DSCAM: variants seen among roughly 807,000 people sequenced by gnomAD.
DSCAM encodes the protein cell adhesion molecule DSCAM.
Under a neutral mutation model 217.7 loss-of-function variants are expected in DSCAM, and 47 were observed. That is an observed-to-expected ratio of 0.22 (90% confidence interval 0.17 to 0.28). DSCAM has a LOEUF of 0.28. DSCAM is among the 10% of genes least tolerant of loss of function. DSCAM has a pLI of 1.00. For synonymous variants in DSCAM, 1,056 were observed against 1,015.3 expected (o/e 1.04, Z -0.76); for missense variants, 2,080 against 2,618.3 (o/e 0.79, Z 4.49).
chr21:40,790,416 TTC>T (rs1194368094), intron 1 of DSCAM, among the ~76,000 whole-genome samples: 3 of 152,148 alleles, frequency 2.0e-5, no homozygotes, highest in African/African-American at 7.2e-5. Context: ...TTTCTCAAGC[TTC>T]TCGTAGTTAG....
At chr21:40,339,872 T>A (rs907557621) in intron 6 of DSCAM, among the ~76,000 whole-genome samples, 1 of 43,472 alleles carries the variant, frequency 2.3e-5, no homozygotes, top group African/African-American at 5.5e-5. Context: ...AACCTAATAC[T>A]TCCTCAAGTT....
At chr21:40,107,597 G>C (rs139239738) in intron 20 of DSCAM, among the ~76,000 whole-genome samples, 2,799 of 152,108 alleles carry the variant, frequency 0.018, 82 homozygotes, top group African/African-American at 0.057. Flanking sequence ...TATTGTCAGT[G>C]GGGTGTTAAA....
In DSCAM at chr21:40,559,949, A is replaced by T. The variant is rs1601744836; in HGVS notation, c.508+132861T>A. On this transcript the variant is annotated intron_variant, in intron 3 of 32. Transcript: ENST00000400454. The stretch of plus-strand genomic sequence containing the variant: ...CTGGGGCTACAGGCGCCCAACTACC[A>T]TGCCCGGCTAATTTTTTGTATTTTT... 2.0e-5 allele frequency among the ~76,000 whole-genome samples: 3 copies of T among 151,704 alleles called. No homozygotes were observed. In the South Asian group the frequency reaches 6.3e-4, roughly 32 times the overall value.
In DSCAM at chr21:40,306,165, G is replaced by A. The variant is rs866389297; in HGVS notation, c.2062+5916C>T. 7.3e-3 allele frequency among the ~76,000 whole-genome samples: 1,096 copies of A among 150,716 alleles called. 10 individuals are homozygous for A. The highest frequency in any genetic ancestry group is 0.026 in the African/African-American group (1,036 of 40,392). On this transcript the variant is annotated intron_variant, in intron 9 of 32. Coordinates refer to ENST00000400454, the MANE Select transcript of DSCAM (RefSeq NM_001389.5). ...CTTGAAGAGGTCCTTCACATCCCTT[G>A]TAAGTTGGATTCCTAGGTATTTTAT...
In DSCAM at chr21:40,055,738, C is replaced by A. The variant is rs141507048; in HGVS notation, c.5022G>T (p.Thr1674=). Residue 1674 remains threonine, a synonymous_variant, in exon 29 of 33, where the codon ACG becomes ACT. Coordinates refer to ENST00000400454, the MANE Select transcript of DSCAM (RefSeq NM_001389.5). The part of the protein sequence containing the change: ...RAQLLIEERD[T]METIDDRSTV... Reference sequence around the variant, plus strand: ...AGGGCAGCTTACCAATGGTCTCCATCGTGTCTCTCTCTTCAATCAAAAGCT... The same window carrying A: ...AGGGCAGCTTACCAATGGTCTCCATAGTGTCTCTCTCTTCAATCAAAAGCT... 4.3e-6 allele frequency: 7 copies of A among 1,612,542 alleles called. No homozygotes were observed. Among genetic ancestry groups the A allele is most frequent in the Non-Finnish European group, 5.9e-6 (7 of 1,178,656 alleles).
chr21:40,324,103 C>CAAAAAAAA (rs71330393), intron 8 of DSCAM, among the ~76,000 whole-genome samples: 17 of 27,940 alleles, frequency 6.1e-4, no homozygotes, highest in Non-Finnish European at 7.8e-4. Flanking sequence ...AACTCTGTCT[C>CAAAAAAAA]AAAAAAAAAA....
chr21:40,844,729 C>T (rs1196152265), intron 1 of DSCAM, among the ~76,000 whole-genome samples: 1 of 151,288 alleles, frequency 6.6e-6, no homozygotes, highest in Non-Finnish European at 1.5e-5. Flanking sequence ...AAGTCACACA[C>T]ACATATAGCA....
intron 11 of DSCAM, among the ~76,000 whole-genome samples, chr21:40,255,529 A>G (rs758986673): frequency 1.2e-4 from 19 of 152,348 alleles, no homozygotes; most frequent in Non-Finnish European, 2.1e-4. Flanking sequence ...AAGGTTGCTA[A>G]TTAACTGATC....
chr21:40,063,939 G>A (rs781369549), intron 27 of DSCAM, among the ~76,000 whole-genome samples: 1 of 152,056 alleles, frequency 6.6e-6, no homozygotes, highest in Non-Finnish European at 1.5e-5. Context: ...GCCTGGTTTT[G>A]TGCACAGATG....
intron 1 of DSCAM, among the ~76,000 whole-genome samples, chr21:40,767,900 CTG>C (rs985401541): frequency 1.3e-5 from 2 of 151,868 alleles, no homozygotes; most frequent in Non-Finnish European, 2.9e-5. Flanking sequence ...CTCTCTCTCC[CTG>C]TGTGTGTGTG....
chr21:40,062,098 A>G (rs1479293001), intron 28 of DSCAM, among the ~76,000 whole-genome samples: 1 of 152,268 alleles, frequency 6.6e-6, no homozygotes, highest in African/African-American at 2.4e-5. Flanking sequence ...AAGGTTGGAC[A>G]GCACAAGAAA....
At chr21:40,159,967 A>G (rs1010736021) in intron 16 of DSCAM, among the ~76,000 whole-genome samples, 2 of 152,200 alleles carry the variant, frequency 1.3e-5, no homozygotes, top group Non-Finnish European at 2.9e-5. Context: ...ATTGGGAGAT[A>G]TTTGCCATCA....
chr21:40,740,370 C>A (rs374605117), intron 1 of DSCAM, among the ~76,000 whole-genome samples: 1 of 152,100 alleles, frequency 6.6e-6, no homozygotes, highest in Admixed American at 6.6e-5. Context: ...GACAAACTAA[C>A]GGCAGCCCAG....
chr21:40,352,884 C>T (rs766884281), intron 5 of DSCAM, among the ~76,000 whole-genome samples: 3 of 152,100 alleles, frequency 2.0e-5, no homozygotes, highest in Non-Finnish European at 4.4e-5. Flanking sequence ...ACACATTCCT[C>T]AAGGCAGCCA....
intron 1 of DSCAM, among the ~76,000 whole-genome samples, chr21:40,830,333 T>C (rs2410293): frequency 0.73 from 110,092 of 151,548 alleles, 40,157 homozygotes; most frequent in African/African-American, 0.78. Context: ...CTCCCTATCA[T>C]GAAGCACAGC....
intron 3 of DSCAM, among the ~76,000 whole-genome samples, chr21:40,663,142 T>C (rs2090158450): frequency 4.0e-5 from 2 of 49,788 alleles, no homozygotes; most frequent in South Asian, 8.9e-4. Flanking sequence ...TGTGTGCATG[T>C]ATGCATGTTA....
At chr21:40,066,865 T>C (rs1457221532) in intron 27 of DSCAM, among the ~76,000 whole-genome samples, 3 of 152,188 alleles carry the variant, frequency 2.0e-5, no homozygotes, top group Non-Finnish European at 4.4e-5. Context: ...CTTCCCTGAT[T>C]GCTCACAAAA....
chr21:40,635,219 G>T (rs2089741658), intron 3 of DSCAM, among the ~76,000 whole-genome samples: 1 of 152,120 alleles, frequency 6.6e-6, no homozygotes, highest in Admixed American at 6.6e-5. Flanking sequence ...GGAAAATAAA[G>T]AAGAGAAAGC....
At chr21:40,057,383 T>G (rs1303220203) in intron 28 of DSCAM, among the ~76,000 whole-genome samples, 1 of 152,234 alleles carries the variant, frequency 6.6e-6, no homozygotes, top group Non-Finnish European at 1.5e-5. Flanking sequence ...ATTTACGGCA[T>G]GCTTAGACAA....
Sources: gnomAD v4.1 joint callset for allele counts (sites outside exome capture counted in the v4.1 genomes callset) on GRCh38, gnomAD v4.1.1 for gene constraint, MANE v1.5 for transcripts, NCBI Gene and HGNC (gene_info 2026-07-23, HGNC 2026-07-21) for gene names.